BAIAP2L1: variants seen among roughly 807,000 people sequenced by gnomAD.
BAIAP2L1 encodes the protein BAR/IMD domain-containing adapter protein 2-like 1.
A neutral mutation model predicts 66.3 loss-of-function variants in BAIAP2L1; 35 were observed. The observed-to-expected ratio is 0.53, with a 90% CI of 0.40 to 0.70. The LOEUF (loss-of-function observed/expected upper bound fraction) is 0.70, where lower values mean the gene tolerates loss of function less well. Ranked by LOEUF, BAIAP2L1 falls within the 30% of genes least tolerant of loss-of-function variation. The pLI is 0.00. For synonymous variants in BAIAP2L1, 269 were observed against 248.7 expected (o/e 1.08, Z -0.77); for missense variants, 622 against 656.9 (o/e 0.95, Z 0.58).
Position 98,293,093 on chromosome 7 carries a change from A to G in BAIAP2L1, c.*428T>C, listed in dbSNP as rs1206744171. 4 of 538,686 alleles carry G rather than the reference A, an allele frequency of 7.4e-6. No homozygotes were observed. The highest frequency in any genetic ancestry group is 9.9e-6 in the Non-Finnish European group (4 of 404,456). The allele number at this position is 538,686 out of a possible 1,614,324, so 33.4% of individuals were successfully genotyped here. ...ATGCTAAGATGCAAACTTACGTGAT[A>G]TCTTCTTTAGACATAATGCTATTAA... On this transcript the variant is annotated 3_prime_UTR_variant, in exon 14 of 14. Coordinates refer to ENST00000005260, the MANE Select transcript of BAIAP2L1 (RefSeq NM_018842.5).
intron 3 of BAIAP2L1, among the ~76,000 whole-genome samples, chr7:98,331,722 G>A (rs1801499589): frequency 6.6e-6 from 1 of 152,082 alleles, no homozygotes; most frequent in Non-Finnish European, 1.5e-5. Flanking sequence ...ACCTGCCTCA[G>A]CTTCCCAAAG....
At chr7:98,304,458 G>T (rs1237631646) in intron 11 of BAIAP2L1, 82 bp from the exon 12 acceptor site, 2 of 1,403,488 alleles carry the variant, frequency 1.4e-6, no homozygotes, top group East Asian at 4.8e-5. Context: ...CCTGACCAAG[G>T]ACAACAGTAA....
At chr7:98,343,918 C>A (rs779820154) in intron 3 of BAIAP2L1, among the ~76,000 whole-genome samples, 1 of 152,204 alleles carries the variant, frequency 6.6e-6, no homozygotes, top group Non-Finnish European at 1.5e-5. Context: ...CAAAGGCTCA[C>A]GCCTGTAATC....
chr7:98,349,291 T>C (rs1463572205), intron 3 of BAIAP2L1, among the ~76,000 whole-genome samples: 1 of 152,116 alleles, frequency 6.6e-6, no homozygotes, highest in African/African-American at 2.4e-5. Context: ...ACAACAGAAG[T>C]GCCCGGCACG....
chr7:98,339,590 C>T (rs1481801878), intron 3 of BAIAP2L1, among the ~76,000 whole-genome samples: 3 of 152,214 alleles, frequency 2.0e-5, no homozygotes, highest in African/African-American at 4.8e-5. Flanking sequence ...ATGCGGCTGG[C>T]GTGGCCAGGC....
chr7:98,307,402 G>C, intron 10 of BAIAP2L1: 3 of 1,242,586 alleles, frequency 2.4e-6, no homozygotes, highest in Non-Finnish European at 3.1e-6. Flanking sequence ...CACTGCACTG[G>C]CCAAATGCTA....
At chr7:98,318,019 G>A (rs1417433987) in intron 5 of BAIAP2L1, among the ~76,000 whole-genome samples, 1 of 151,790 alleles carries the variant, frequency 6.6e-6, no homozygotes. Context: ...TCTGCATGAT[G>A]GCTGGGACCC....
intron 9 of BAIAP2L1, 43 bp from the exon 10 acceptor site, chr7:98,307,939 G>T: frequency 6.3e-7 from 1 of 1,575,648 alleles, no homozygotes; most frequent in African/African-American, 1.4e-5. Context: ...CAAAGCATGA[G>T]AATCAATAGG....
At chr7:98,391,770 C>A (rs1803051408) in intron 1 of BAIAP2L1, among the ~76,000 whole-genome samples, 1 of 150,640 alleles carries the variant, frequency 6.6e-6, no homozygotes, top group African/African-American at 2.4e-5. Flanking sequence ...ACCAGAAGGA[C>A]TCAAGGTTAG....
At chr7:98,309,021 C>T (rs528227845) in intron 9 of BAIAP2L1, 4 of 151,260 alleles carry the variant, frequency 2.6e-5, no homozygotes, top group Admixed American at 2.6e-4. Flanking sequence ...AGTAATACAA[C>T]AAGCATCTTT....
At chr7:98,296,774 G>T (rs1028154818) in intron 12 of BAIAP2L1, among the ~76,000 whole-genome samples, 11 of 152,246 alleles carry the variant, frequency 7.2e-5, no homozygotes, top group Admixed American at 1.3e-4. Context: ...GCTGGCAGGA[G>T]CCTCTCTGCC....
chr7:98,304,090 T>TC, intron 12 of BAIAP2L1, 106 bp downstream of exon 12: 1 of 1,217,154 alleles, frequency 8.2e-7, no homozygotes, highest in Non-Finnish European at 1.1e-6. Flanking sequence ...GACACCACTC[T>TC]CCCCCTGGGG....
intron 1 of BAIAP2L1, among the ~76,000 whole-genome samples, chr7:98,370,691 C>T (rs1250602248): frequency 4.7e-5 from 7 of 150,454 alleles, no homozygotes; most frequent in African/African-American, 1.5e-4. Flanking sequence ...TTAGTAGAGA[C>T]GGGGTTTCAC....
chr7:98,310,275 C>G (rs1800819802), intron 9 of BAIAP2L1, 170 bp downstream of exon 9: 1 of 623,898 alleles, frequency 1.6e-6, no homozygotes, highest in Admixed American at 3.7e-5. Flanking sequence ...CAGTCTAGTC[C>G]TGTATTTCTT....
chr7:98,352,451 G>A (rs1295805672), intron 3 of BAIAP2L1, among the ~76,000 whole-genome samples: 1 of 152,154 alleles, frequency 6.6e-6, no homozygotes, highest in Non-Finnish European at 1.5e-5. Flanking sequence ...AGACCAGCCT[G>A]GCCAAGATGG....
chr7:98,386,045 T>C, intron 1 of BAIAP2L1: 1 of 1,443,656 alleles, frequency 6.9e-7, no homozygotes, highest in Non-Finnish European at 9.6e-7. Flanking sequence ...ACCACTTCTT[T>C]CAAGTCATTT....
intron 2 of BAIAP2L1, among the ~76,000 whole-genome samples, chr7:98,356,253 A>G (rs1240273145): frequency 1.3e-5 from 2 of 152,116 alleles, no homozygotes; most frequent in African/African-American, 4.8e-5. Context: ...TTCACTTTAC[A>G]ATCTAGGTTT....
In BAIAP2L1 at chr7:98,321,333, G is replaced by A. The variant is rs73709466; in HGVS notation, c.215-1035C>T. On this transcript the variant is annotated intron_variant, in intron 3 of 13. Coordinates refer to ENST00000005260, the MANE Select transcript of BAIAP2L1 (RefSeq NM_018842.5). ...AGTAATCTGATTATCTGTCAGGCACGAGAGATAAAGGCTATTTCTTTTTTC... is the reference window on the plus strand; with the variant it reads ...AGTAATCTGATTATCTGTCAGGCACAAGAGATAAAGGCTATTTCTTTTTTC... Among the ~76,000 whole-genome samples, 1,332 of 152,246 alleles carry A rather than the reference G, an allele frequency of 8.7e-3. 19 individuals are homozygous for A. The highest frequency in any genetic ancestry group is 0.03 in the African/African-American group (1,256 of 41,538).
intron 1 of BAIAP2L1, among the ~76,000 whole-genome samples, chr7:98,381,159 G>A (rs1238612598): frequency 6.6e-6 from 1 of 152,140 alleles, no homozygotes; most frequent in Non-Finnish European, 1.5e-5. Context: ...ATCTCCGGCT[G>A]GCGTAGCAGT....
Sources: allele counts gnomAD v4.1 joint callset (sites outside exome capture counted in the v4.1 genomes callset), GRCh38; gene constraint gnomAD v4.1.1; transcripts MANE v1.5; gene names NCBI Gene and HGNC (gene_info 2026-07-23, HGNC 2026-07-21).